RAPGEF4: variants seen among roughly 807,000 people sequenced by gnomAD.
The protein encoded by RAPGEF4 is RAP guanine-nucleotide-exchange factor (GEF) 4.
A neutral mutation model predicts 147.9 loss-of-function variants in RAPGEF4; 66 were observed. The ratio of observed to expected loss-of-function variants is 0.45; its 90% CI spans 0.37 to 0.55. RAPGEF4 has a LOEUF of 0.55. Ranked by LOEUF, RAPGEF4 falls within the 20% of genes least tolerant of loss-of-function variation. RAPGEF4 has a pLI of 0.00. For synonymous variants in RAPGEF4, 419 were observed against 442.7 expected, an observed-to-expected ratio of 0.95 and a Z score of 0.67; for missense variants, 1,071 against 1,257.3, an observed-to-expected ratio of 0.85 and a Z score of 2.24.
At chr2:172,753,783 T>C (rs548001865) in intron 1 of RAPGEF4, among the ~76,000 whole-genome samples, 2 of 152,114 alleles carry the variant, frequency 1.3e-5, no homozygotes, top group African/African-American at 4.8e-5. Context: ...TTAACATGAG[T>C]GACATGTGAC....
rs558428635 is a variant in RAPGEF4 at position 172,830,436 on chromosome 2, C to T, written c.444+16011C>T. On this transcript the variant is annotated intron_variant, in intron 4 of 30. Coordinates refer to ENST00000397081, the MANE Select transcript of RAPGEF4 (RefSeq NM_007023.4). ...CCTAGTTCCAAACTGATTGAGCTAC[C>T]GCAGGAGTTTTTCACAGATGTGTGG... Among the ~76,000 whole-genome samples the T allele has an allele frequency of 3.3e-5, 5 of 152,302 alleles. No homozygotes were observed. The South Asian group carries it at 6.2e-4, about 19-fold the overall frequency.
At chr2:172,926,871 G>C (rs1263003932) in intron 6 of RAPGEF4, among the ~76,000 whole-genome samples, 2 of 152,130 alleles carry the variant, frequency 1.3e-5, no homozygotes, top group African/African-American at 2.4e-5. Context: ...CGCCCAGCCC[G>C]AGGTCCTCAT....
At chr2:172,852,430 A>G (rs1692960816) in intron 4 of RAPGEF4, among the ~76,000 whole-genome samples, 1 of 152,174 alleles carries the variant, frequency 6.6e-6, no homozygotes, top group Non-Finnish European at 1.5e-5. Flanking sequence ...TAACTCTTAT[A>G]TAGTGCTTAC....
intron 17 of RAPGEF4, among the ~76,000 whole-genome samples, chr2:173,002,624 T>TC (rs1694045950): frequency 6.6e-6 from 1 of 151,298 alleles, no homozygotes; most frequent in African/African-American, 2.4e-5. Context: ...ATTCTTTCTT[T>TC]TTTTTTTTTT....
chr2:172,960,927 A>G (rs1559146661), intron 7 of RAPGEF4, 114 bp downstream of exon 7: 2 of 959,380 alleles, frequency 2.1e-6, no homozygotes, highest in African/African-American at 1.7e-5. Context: ...TTTTCTAGAG[A>G]CAGGAAATAT....
intron 4 of RAPGEF4, among the ~76,000 whole-genome samples, chr2:172,914,201 T>C (rs2150018436): frequency 6.6e-6 from 1 of 152,272 alleles, no homozygotes; most frequent in African/African-American, 2.4e-5. Context: ...CCTGTTTTGT[T>C]GTTGTTTGGT....
intron 29 of RAPGEF4, among the ~76,000 whole-genome samples, chr2:173,043,775 C>T (rs1685068123): frequency 6.6e-6 from 1 of 152,166 alleles, no homozygotes; most frequent in Non-Finnish European, 1.5e-5. Flanking sequence ...TCTGACACCT[C>T]AGCGGACTCA....
At chr2:172,878,675 A>G (rs1696243951) in intron 4 of RAPGEF4, among the ~76,000 whole-genome samples, 1 of 152,212 alleles carries the variant, frequency 6.6e-6, no homozygotes, top group Non-Finnish European at 1.5e-5. Flanking sequence ...TATATATTAC[A>G]TTCCCTGCTA....
In RAPGEF4 at chr2:172,990,800, G is replaced by T; in HGVS notation, c.1375-10G>T. ...GCAGCATCTGTATGTGGTGTAATTT[G>T]TATTTGCAGGACGTGGAGGCGAATA... On this transcript the variant is annotated splice_polypyrimidine_tract_variant and intron_variant, in intron 14 of 30. Transcript: ENST00000397081. 6.2e-7 allele frequency: 1 copy of T among 1,606,180 alleles called. No individual in the cohort carries two copies.
rs1020331036 is a variant in RAPGEF4, at chr2:172,936,347, A to G, written c.537+14047A>G. Reference sequence around the variant, plus strand: ...GAGCCACTGTACTCCAGCCTGGACAATAAGTGAGACTCTATCCCCTGCCCA... The same window carrying G: ...GAGCCACTGTACTCCAGCCTGGACAGTAAGTGAGACTCTATCCCCTGCCCA... On this transcript the variant is annotated intron_variant, in intron 6 of 30. Coordinates refer to ENST00000397081, the MANE Select transcript of RAPGEF4 (RefSeq NM_007023.4). Among the ~76,000 whole-genome samples the G allele has an allele frequency of 2.6e-5, 4 of 152,152 alleles. No homozygotes were observed. In the East Asian group the frequency reaches 7.7e-4, roughly 29 times the overall value.
intron 1 of RAPGEF4, among the ~76,000 whole-genome samples, chr2:172,739,943 G>A (rs1161126866): frequency 6.6e-6 from 1 of 152,176 alleles, no homozygotes; most frequent in Non-Finnish European, 1.5e-5. Flanking sequence ...CTGAATGGTT[G>A]GAAATAAATC....
Position 172,749,177 on chromosome 2 carries a change from T to C in RAPGEF4, c.65+13129T>C, listed in dbSNP as rs148512450. On this transcript the variant is annotated intron_variant, in intron 1 of 30. Coordinates refer to ENST00000397081, the MANE Select transcript of RAPGEF4 (RefSeq NM_007023.4). ...TCTGGGGTTTGGAGGACAGTGGTCC[T>C]CTTCTCACAGCTCTGCTAGGCAGTG... is the stretch of plus-strand genomic sequence containing the variant. 1.6e-3 allele frequency among the ~76,000 whole-genome samples: 240 copies of C among 152,214 alleles called. 2 individuals carry two copies. Among genetic ancestry groups the C allele is most frequent in the Middle Eastern group, 6.8e-3 (2 of 294 alleles).
chr2:173,019,580 A>G (rs748408724), intron 22 of RAPGEF4, among the ~76,000 whole-genome samples: 4 of 152,270 alleles, frequency 2.6e-5, no homozygotes, highest in Non-Finnish European at 5.9e-5. Context: ...ATTTGGCGGA[A>G]TCCTTCAGGA....
rs1170210070 is a variant in RAPGEF4, at chr2:173,014,473, A to C, written c.1668A>C (p.Ala556=). 1 of 1,613,962 alleles carries C rather than the reference A, an allele frequency of 6.2e-7. No individual in the cohort carries two copies. Among genetic ancestry groups the C allele is most frequent in the African/African-American group, 1.3e-5 (1 of 75,018 alleles). Residue 556 remains alanine, a synonymous_variant, in exon 18 of 31, where the codon GCA becomes GCC. Transcript: ENST00000397081. ...CTTGACTCCTCGGCACCTACCACGCACAGCCTTCACAAGGTACAGAACAGG... is the reference window on the plus strand; with the variant it reads ...CTTGACTCCTCGGCACCTACCACGCCCAGCCTTCACAAGGTACAGAACAGG... The part of the protein sequence containing the change: ...LCPALVAHYH[A]QPSQGTEQEK...
At chr2:173,005,285 G>A (rs1051967302) in intron 17 of RAPGEF4, among the ~76,000 whole-genome samples, 6 of 151,978 alleles carry the variant, frequency 3.9e-5, no homozygotes, top group Non-Finnish European at 5.9e-5. Flanking sequence ...CTCTCCTATT[G>A]TCTCAATTTA....
At chr2:172,989,447 G>A (rs1465545879) in intron 14 of RAPGEF4, among the ~76,000 whole-genome samples, 4 of 152,218 alleles carry the variant, frequency 2.6e-5, no homozygotes, top group Non-Finnish European at 5.9e-5. Context: ...GCAGGCAGGT[G>A]AATAACTGGG....
At chr2:172,940,035 T>C (rs1374569619) in intron 6 of RAPGEF4, among the ~76,000 whole-genome samples, 1 of 152,206 alleles carries the variant, frequency 6.6e-6, no homozygotes. Context: ...AGCTTTATTA[T>C]AATTCTCAGA....
At chr2:172,800,437 C>G (rs1686856520) in intron 3 of RAPGEF4, among the ~76,000 whole-genome samples, 1 of 152,218 alleles carries the variant, frequency 6.6e-6, no homozygotes, top group Non-Finnish European at 1.5e-5. Context: ...TCTACCCATG[C>G]TGGCCTTGTG....
intron 6 of RAPGEF4, among the ~76,000 whole-genome samples, chr2:172,958,665 G>C (rs1188124359): frequency 3.9e-5 from 6 of 152,208 alleles, no homozygotes; most frequent in African/African-American, 1.4e-4. Flanking sequence ...TAAACAGTAT[G>C]CTGTTAAAAT....
Sources: allele counts gnomAD v4.1 joint callset (sites outside exome capture counted in the v4.1 genomes callset), GRCh38; gene constraint gnomAD v4.1.1; transcripts MANE v1.5; gene names NCBI Gene and HGNC (gene_info 2026-07-23, HGNC 2026-07-21).